Variants in SPATA16 observed in about 807,000 individuals in gnomAD.
SPATA16 encodes spermatogenesis associated 16, also known as spermatogenesis-associated protein 16.
In SPATA16, 36 loss-of-function variants were observed where a neutral mutation model predicts 63.3. The ratio of observed to expected loss-of-function variants is 0.57; its 90% confidence interval spans 0.44 to 0.75. The LOEUF (loss-of-function observed/expected upper bound fraction) is 0.75, where lower values mean the gene tolerates loss of function less well. Among genes scored for constraint, SPATA16 ranks in the 30% least tolerant of loss-of-function variants. SPATA16 has a pLI of 0.00. For missense variants in SPATA16, 646 were observed against 679.3 expected (o/e 0.95, Z 0.54); for synonymous variants, 203 against 216.7 (o/e 0.94, Z 0.56).
At chr3:173,009,579 G>A (rs1274180504) in intron 4 of SPATA16, among the ~76,000 whole-genome samples, 2 of 152,300 alleles carry the variant, frequency 1.3e-5, no homozygotes, top group East Asian at 1.9e-4. Flanking sequence ...CCACCAACAG[G>A]GGAGGCTAGG....
intron 4 of SPATA16, among the ~76,000 whole-genome samples, chr3:172,993,391 T>C (rs1041239190): frequency 1.3e-5 from 2 of 151,996 alleles, no homozygotes; most frequent in African/African-American, 4.8e-5. Flanking sequence ...CAATGGCAAA[T>C]AAATCAAACA....
intron 8 of SPATA16, among the ~76,000 whole-genome samples, chr3:172,918,443 CA>C (rs1279879091): frequency 2.6e-5 from 4 of 152,060 alleles, no homozygotes; most frequent in Admixed American, 1.3e-4. Context: ...AATAAGATAA[CA>C]GGGAAAGAAT....
At chr3:172,933,642 T>C (rs768477359) in intron 6 of SPATA16, among the ~76,000 whole-genome samples, 1 of 152,182 alleles carries the variant, frequency 6.6e-6, no homozygotes, top group Non-Finnish European at 1.5e-5. Flanking sequence ...TGAGAGATAG[T>C]AAGTGAGCTA....
chr3:173,100,437 T>A (rs1737461521), intron 2 of SPATA16, among the ~76,000 whole-genome samples: 1 of 152,094 alleles, frequency 6.6e-6, no homozygotes, highest in Admixed American at 6.6e-5. Flanking sequence ...AACCAGCTGG[T>A]GTGAAGCTAC....
intron 5 of SPATA16, among the ~76,000 whole-genome samples, chr3:172,968,981 A>G (rs77814745): frequency 0.056 from 8,558 of 152,252 alleles, 345 homozygotes; most frequent in Non-Finnish European, 0.079. Flanking sequence ...TCTCACCTCA[A>G]TTTGGATACT....
chr3:173,066,473 G>A (rs1736523545), intron 2 of SPATA16, among the ~76,000 whole-genome samples: 1 of 152,168 alleles, frequency 6.6e-6, no homozygotes, highest in Non-Finnish European at 1.5e-5. Context: ...AGAGACTCCT[G>A]ACTGGGGGAA....
At chr3:173,122,030 A>T (rs1033539218) in intron 1 of SPATA16, among the ~76,000 whole-genome samples, 1 of 152,192 alleles carries the variant, frequency 6.6e-6, no homozygotes, top group Non-Finnish European at 1.5e-5. Flanking sequence ...ATCATTATGT[A>T]TGTCAAAGAA....
chr3:173,111,834 C>T (rs1052380368), intron 2 of SPATA16, among the ~76,000 whole-genome samples: 1 of 152,096 alleles, frequency 6.6e-6, no homozygotes, highest in Non-Finnish European at 1.5e-5. Flanking sequence ...CTAACATTTA[C>T]CATAAAGAAT....
intron 3 of SPATA16, among the ~76,000 whole-genome samples, chr3:173,031,637 G>T (rs1735610972): frequency 6.6e-6 from 1 of 151,856 alleles, no homozygotes; most frequent in South Asian, 2.1e-4. Flanking sequence ...TAAATTCTGG[G>T]GTAGGTAAAA....
At chr3:173,044,791 CCT>C (rs1560105558) in intron 3 of SPATA16, among the ~76,000 whole-genome samples, 2 of 151,922 alleles carry the variant, frequency 1.3e-5, no homozygotes, top group East Asian at 3.9e-4. Flanking sequence ...TTTTTTTCCC[CCT>C]GTGAGAGAAT....
At chr3:173,075,926 A>G (rs73044975) in intron 2 of SPATA16, among the ~76,000 whole-genome samples, 3,253 of 152,238 alleles carry the variant, frequency 0.021, 126 homozygotes, top group African/African-American at 0.075. Flanking sequence ...GTGGAATTGG[A>G]ATATTCCTAA....
At chr3:172,905,799 A>G (rs924557118) in intron 10 of SPATA16, among the ~76,000 whole-genome samples, 2 of 152,232 alleles carry the variant, frequency 1.3e-5, no homozygotes, top group Admixed American at 6.5e-5. Flanking sequence ...GATTCATTGA[A>G]GCTTAGGAGG....
intron 3 of SPATA16, among the ~76,000 whole-genome samples, chr3:173,021,842 C>G: frequency 6.6e-6 from 1 of 151,930 alleles, no homozygotes; most frequent in East Asian, 1.9e-4. Context: ...TAGTTAGCAT[C>G]TACAAATTTG....
At chr3:173,046,072 A>G (rs552883521) in intron 3 of SPATA16, among the ~76,000 whole-genome samples, 2 of 152,182 alleles carry the variant, frequency 1.3e-5, no homozygotes, top group South Asian at 4.1e-4. Context: ...CTTTGCAAGT[A>G]TATACATCAA....
At chr3:172,933,592 T>C (rs1732917587) in intron 6 of SPATA16, among the ~76,000 whole-genome samples, 1 of 152,182 alleles carries the variant, frequency 6.6e-6, no homozygotes, top group South Asian at 2.1e-4. Flanking sequence ...CAGGTAGAAT[T>C]TGAGAATAAA....
At chr3:173,111,709 A>G (rs973749907) in intron 2 of SPATA16, among the ~76,000 whole-genome samples, 3 of 152,214 alleles carry the variant, frequency 2.0e-5, no homozygotes, top group African/African-American at 7.2e-5. Flanking sequence ...TTTCTACTTC[A>G]TTAAATAAAC....
intron 3 of SPATA16, among the ~76,000 whole-genome samples, chr3:173,027,614 T>C (rs561627383): frequency 6.6e-6 from 1 of 151,944 alleles, no homozygotes; most frequent in South Asian, 2.1e-4. Flanking sequence ...CTCTTCCTTA[T>C]AGCAGCCAAC....
chr3:172,894,673 T>G (rs777884673), intron 10 of SPATA16, among the ~76,000 whole-genome samples: 6 of 152,246 alleles, frequency 3.9e-5, no homozygotes, highest in Non-Finnish European at 8.8e-5. Flanking sequence ...GTTGAAATTC[T>G]AACTCCCAAA....
At chr3:173,058,051 C>T (rs1736291686) in intron 2 of SPATA16, among the ~76,000 whole-genome samples, 1 of 152,048 alleles carries the variant, frequency 6.6e-6, no homozygotes, top group African/African-American at 2.4e-5. Flanking sequence ...AAAGGGACCA[C>T]CATTAGATAC....
Sources: allele counts gnomAD v4.1 joint callset (sites outside exome capture counted in the v4.1 genomes callset), GRCh38; gene constraint gnomAD v4.1.1; transcripts MANE v1.5; gene names NCBI Gene and HGNC (gene_info 2026-07-23, HGNC 2026-07-21).